F11: variants seen among roughly 807,000 people sequenced by gnomAD.
F11 encodes the protein coagualtion factor XI.
F11 carries 78 observed loss-of-function variants against 76.5 expected under a neutral mutation model. That is an observed-to-expected ratio of 1.02 (90% CI 0.85 to 1.23). F11 has a LOEUF of 1.23. Among genes scored for constraint, F11 ranks in the 50% most tolerant of loss-of-function variants. The pLI is 0.00. For synonymous variants in F11, 278 were observed against 276.3 expected, an observed-to-expected ratio of 1.01 and a Z score of -0.06; for missense variants, 742 against 771.4, an observed-to-expected ratio of 0.96 and a Z score of 0.45.
chr4:186,289,609 A>C lies in F11; in HGVS notation c.*995A>C, dbSNP rs1741447260. On this transcript the variant is annotated 3_prime_UTR_variant, in exon 15 of 15. Transcript: ENST00000403665. ...TCTCATTATTGTTGTGATCTAGTTC[A>C]ATAACCTAGAATTTGAATTGTCACC... Among the ~76,000 whole-genome samples, 1 of 152,138 alleles carries C rather than the reference A, an allele frequency of 6.6e-6. No homozygotes were observed. The highest frequency in any genetic ancestry group is 6.5e-5 in the Admixed American group (1 of 15,268).
intron 13 of F11, 117 bp downstream of exon 13, chr4:186,286,627 G>A (rs1201231622): frequency 1.3e-6 from 2 of 1,543,892 alleles, no homozygotes; most frequent in East Asian, 4.7e-5. Context: ...GTTGCAGGAA[G>A]CGGATTAATA....
In F11 at chr4:186,275,726, C is replaced by T. The variant is rs868513446; in HGVS notation, c.486-61C>T. Reference sequence around the variant, plus strand: ...TCCAAAGGGGACTTTCTTAATATCTCATGTTTTTTCCTCCTTGCAGTTGGA... The same window carrying T: ...TCCAAAGGGGACTTTCTTAATATCTTATGTTTTTTCCTCCTTGCAGTTGGA... On this transcript the variant is annotated intron_variant, in intron 5 of 14. Coordinates refer to ENST00000403665, the MANE Select transcript of F11 (RefSeq NM_000128.4). 9.6e-6 allele frequency: 12 copies of T among 1,250,316 alleles called. No individual in the cohort carries two copies. The Middle Eastern group carries it at 7.4e-4, about 77-fold the overall frequency. 77.5% of individuals were successfully genotyped at this position (1,250,316 alleles called of 1,614,324 possible). A position where few individuals can be genotyped will look rare whatever the true frequency, so the allele number is the denominator to read the frequency against.
intron 14 of F11, among the ~76,000 whole-genome samples, chr4:186,288,148 A>AGG (rs1741354149): frequency 6.6e-6 from 1 of 151,660 alleles, no homozygotes; most frequent in Non-Finnish European, 1.5e-5. Context: ...TCCTGACCTC[A>AGG]TGATCTGCCT....
Position 186,289,042 on chromosome 4 carries a change from C to CCG in F11, c.*428_*429insCG. ...AACAAAGACAGTCTTCACCATTTTG[C>CCG]AGGAATCTACACTCTGCCTATGTGA... On this transcript the variant is annotated 3_prime_UTR_variant, in exon 15 of 15. Transcript: ENST00000403665. The CCG allele has an allele frequency of 8.7e-6, 2 of 228,994 alleles. No homozygotes were observed. Among genetic ancestry groups the CCG allele is most frequent in the Non-Finnish European group, 8.7e-6 (1 of 114,342 alleles). The allele number at this position is 228,994 out of a possible 1,614,324, so 14.2% of individuals were successfully genotyped here. A position where few individuals can be genotyped will look rare whatever the true frequency, so the allele number is the denominator to read the frequency against.
rs1355461455 is a variant in F11 at position 186,276,268 on chromosome 4, A to G, written c.633A>G (p.Ala211=). The change falls in exon 7 of 15, where the codon GCA becomes GCG. Residue 211 remains alanine, a synonymous_variant. Transcript: ENST00000403665. ...ACATTTTCCCTAATACGGTGTTTGCAGACAGCAACATCGACAGTGTCATGG... is the reference window on the plus strand; with the variant it reads ...ACATTTTCCCTAATACGGTGTTTGCGGACAGCAACATCGACAGTGTCATGG... ...IRDIFPNTVF[A]DSNIDSVMAP... The G allele has an allele frequency of 5.6e-6, 9 of 1,614,140 alleles. No individual in the cohort carries two copies. Among genetic ancestry groups the G allele is most frequent in the Non-Finnish European group, 7.6e-6 (9 of 1,180,018 alleles).
rs371374467 is a variant in F11, at chr4:186,286,521, T to C, written c.1576+11T>C. 5.6e-6 allele frequency: 9 copies of C among 1,612,994 alleles called. No homozygotes were observed. The highest frequency in any genetic ancestry group is 7.6e-6 in the Non-Finnish European group (9 of 1,179,382). On this transcript the variant is annotated intron_variant, in intron 13 of 14. Transcript: ENST00000403665. ...ACAGAAAACTAAGAGGTAAAAATGA[T>C]GTTGTTATATGTGCTCCATCCTAGA...
chr4:186,280,934 C>T (rs1323428615), intron 10 of F11, among the ~76,000 whole-genome samples: 1 of 145,044 alleles, frequency 6.9e-6, no homozygotes, highest in East Asian at 2.1e-4. Flanking sequence ...TCAGTGTTCA[C>T]TGCAGCCTCT....
rs1476310361 is a variant in F11 at position 186,266,191 on chromosome 4, C to G, written c.-106C>G. On this transcript the variant is annotated 5_prime_UTR_variant, in exon 1 of 15. Transcript: ENST00000403665. Reference sequence around the variant, plus strand: ...ACAAGTAAATATTAAAGTGAAGTGACCATTTCCTACACAAGCTCATTCAGA... The same window carrying G: ...ACAAGTAAATATTAAAGTGAAGTGAGCATTTCCTACACAAGCTCATTCAGA... The G allele has an allele frequency of 6.6e-6, 1 of 152,070 alleles. No individual in the cohort carries two copies. The highest frequency in any genetic ancestry group is 2.4e-5 in the African/African-American group (1 of 41,402). 9.4% of individuals were successfully genotyped at this position (152,070 alleles called of 1,614,324 possible).
rs372438892 is a variant in F11 at position 186,284,080 on chromosome 4, C to G, written c.1136-12C>G. ...ATGTAGGAAGCTGCTCATCACAATG[C>G]TTCTGTTGCAGAGTGTACCACCAAA... On this transcript the variant is annotated splice_polypyrimidine_tract_variant and intron_variant, in intron 10 of 14. Transcript: ENST00000403665. 1.9e-5 allele frequency: 30 copies of G among 1,614,092 alleles called. No homozygotes were observed. The highest frequency in any genetic ancestry group is 1.2e-4 in the Admixed American group (7 of 60,002).
At chr4:186,288,394 TG>T in intron 14 of F11, 58 bp from the exon 15 acceptor site, 9 of 1,609,958 alleles carry the variant, frequency 5.6e-6, no homozygotes, top group Non-Finnish European at 7.7e-6. Context: ...CAAGATGTGC[TG>T]AAGATGGGAA....
In F11 at chr4:186,287,622, A is replaced by C. The variant is rs1380308653; in HGVS notation, c.1577-62A>C. ...TATATATATATATTTATATGTATGC[A>C]TATATGTTTATGTGTATTGTGTATG... On this transcript the variant is annotated intron_variant, in intron 13 of 14. Coordinates refer to ENST00000403665, the MANE Select transcript of F11 (RefSeq NM_000128.4). 1.3e-5 allele frequency: 13 copies of C among 988,720 alleles called. No individual in the cohort carries two copies. In the East Asian group the frequency reaches 4.1e-4, roughly 31 times the overall value. 61.2% of individuals were successfully genotyped at this position (988,720 alleles called of 1,614,324 possible).
chr4:186,283,199 G>A (rs1253893470), intron 10 of F11: 4 of 222,448 alleles, frequency 1.8e-5, no homozygotes, highest in Non-Finnish European at 3.0e-5. Flanking sequence ...ATTTTGAGTC[G>A]CATAGGTGTG....
intron 13 of F11, 99 bp downstream of exon 13, chr4:186,286,609 A>G: frequency 6.3e-7 from 1 of 1,578,668 alleles, no homozygotes; most frequent in Non-Finnish European, 8.6e-7. Context: ...CTCGAGTCAC[A>G]CTACTCAGTT....
chr4:186,275,744 C>G lies in F11; in HGVS notation c.486-43C>G, dbSNP rs369459952. On this transcript the variant is annotated intron_variant, in intron 5 of 14. Transcript: ENST00000403665. ...AATATCTCATGTTTTTTCCTCCTTGCAGTTGGAAGAATAAGACACTTTTCC... is the reference window on the plus strand; with the variant it reads ...AATATCTCATGTTTTTTCCTCCTTGGAGTTGGAAGAATAAGACACTTTTCC... 6.4e-6 allele frequency: 9 copies of G among 1,403,610 alleles called. No individual in the cohort carries two copies. In the African/African-American group the frequency reaches 8.5e-5, roughly 13 times the overall value. The allele number at this position is 1,403,610 out of a possible 1,614,324, so 86.9% of individuals were successfully genotyped here.
In F11 at chr4:186,280,215, C is replaced by T. The variant is rs1354771079; in HGVS notation, c.866-8C>T. 8.1e-6 allele frequency: 13 copies of T among 1,614,158 alleles called. No individual in the cohort carries two copies. Among genetic ancestry groups the T allele is most frequent in the African/African-American group, 1.3e-5 (1 of 75,040 alleles). ...GGGTCTCACTCTGACATGTGGTCTG[C>T]TGTCTAGTGTTCTGCCATTCTTCAT... On this transcript the variant is annotated splice_region_variant and splice_polypyrimidine_tract_variant and intron_variant, in intron 8 of 14. Coordinates refer to ENST00000403665, the MANE Select transcript of F11 (RefSeq NM_000128.4).
intron 7 of F11, 136 bp downstream of exon 7, chr4:186,276,526 C>T: frequency 1.1e-6 from 1 of 944,328 alleles, no homozygotes; most frequent in Non-Finnish European, 1.6e-6. Context: ...AATTTCTAGC[C>T]CCTCTCCCTT....
At chr4:186,282,179 A>G in intron 10 of F11, 1 of 1,089,336 alleles carries the variant, frequency 9.2e-7, no homozygotes, top group Non-Finnish European at 1.1e-6. Context: ...CGTATACCTC[A>G]ATACATTGCA....
At chr4:186,281,261 T>C (rs1008653779) in intron 10 of F11, among the ~76,000 whole-genome samples, 3 of 152,180 alleles carry the variant, frequency 2.0e-5, no homozygotes, top group African/African-American at 7.2e-5. Flanking sequence ...GATCAGCACT[T>C]TGGTTAGTCA....
intron 2 of F11, among the ~76,000 whole-genome samples, chr4:186,268,223 G>A (rs1739651736): frequency 6.6e-6 from 1 of 152,058 alleles, no homozygotes; most frequent in Non-Finnish European, 1.5e-5. Flanking sequence ...ACAACAATTT[G>A]CATAGTATTT....
Sources: allele counts gnomAD v4.1 joint callset (sites outside exome capture counted in the v4.1 genomes callset), GRCh38; gene constraint gnomAD v4.1.1; transcripts MANE v1.5; gene names NCBI Gene and HGNC (gene_info 2026-07-23, HGNC 2026-07-21).